The following CEMIP variants were observed in gnomAD, a reference collection of about 807,000 sequenced individuals.
CEMIP encodes the protein cell migration inducing hyaluronidase 1.
A neutral mutation model predicts 156.9 loss-of-function variants in CEMIP; 105 were observed. The observed-to-expected ratio is 0.67, with a 90% CI of 0.57 to 0.79. The LOEUF (loss-of-function observed/expected upper bound fraction) is 0.79, where lower values mean the gene tolerates loss of function less well. Ranked by LOEUF, CEMIP falls within the 30% of genes least tolerant of loss-of-function variation. The pLI, the probability that CEMIP is intolerant of heterozygous loss-of-function variation, is 0.00. For synonymous variants in CEMIP, 676 were observed against 668.4 expected (o/e 1.01, Z -0.17); for missense variants, 1,457 against 1,769.4 (o/e 0.82, Z 3.17).
intron 1 of CEMIP, among the ~76,000 whole-genome samples, chr15:80,788,144 T>C (rs1163248648): frequency 6.6e-6 from 1 of 152,034 alleles, no homozygotes; most frequent in African/African-American, 2.4e-5. Flanking sequence ...AAGGAGTGCA[T>C]AGAGGAGCTA....
chr15:80,865,955 T>A (rs1596143267), intron 1 of CEMIP, among the ~76,000 whole-genome samples: 1 of 152,210 alleles, frequency 6.6e-6, no homozygotes, highest in East Asian at 1.9e-4. Context: ...TACTTTCCTT[T>A]TCCCCCAGCA....
chr15:80,790,571 G>A (rs62006873), intron 1 of CEMIP, among the ~76,000 whole-genome samples: 8,690 of 152,236 alleles, frequency 0.057, 296 homozygotes, highest in East Asian at 0.074. Flanking sequence ...CACTTATGCA[G>A]CTCCAGGTGG....
chr15:80,805,330 C>T (rs1476220959), intron 1 of CEMIP, among the ~76,000 whole-genome samples: 1 of 152,174 alleles, frequency 6.6e-6, no homozygotes, highest in East Asian at 1.9e-4. Context: ...CCCTTCCTGC[C>T]CGCCCGGGAC....
At chr15:80,868,824 G>T (rs557986432) in intron 1 of CEMIP, among the ~76,000 whole-genome samples, 1 of 152,256 alleles carries the variant, frequency 6.6e-6, no homozygotes, top group African/African-American at 2.4e-5. Context: ...GCAGTGCCTC[G>T]CACCTAACAG....
chr15:80,920,047 T>C (rs1278880322), intron 14 of CEMIP, 47 bp from the exon 15 acceptor site: 1 of 1,574,122 alleles, frequency 6.4e-7, no homozygotes, highest in African/African-American at 1.3e-5. Flanking sequence ...AATGAGCACA[T>C]GAATAACTGG....
intron 11 of CEMIP, 94 bp downstream of exon 11, chr15:80,895,216 C>G: frequency 6.5e-7 from 1 of 1,546,662 alleles, no homozygotes; most frequent in East Asian, 2.3e-5. Context: ...CTCAGTGAGA[C>G]AGTGCTCCCA....
At position 80,933,325 on chromosome 15, in the gene CEMIP, C is replaced by T; in HGVS notation, c.2874C>T (p.Phe958=). The change falls in exon 23 of 30, where the codon TTC becomes TTT. Residue 958 remains phenylalanine, a synonymous_variant. Transcript: ENST00000394685. ...LDMDGDKTSV[F]HDVDGSVSEY... ...TGGATGGGGATAAGACATCTGTGTT[C>T]CATGACGTCGACGGCTCCGTGTCCG... The T allele has an allele frequency of 6.2e-7, 1 of 1,614,182 alleles. No individual in the cohort carries two copies. Among genetic ancestry groups the T allele is most frequent in the Non-Finnish European group, 8.5e-7 (1 of 1,180,028 alleles).
intron 10 of CEMIP, among the ~76,000 whole-genome samples, chr15:80,893,501 C>T (rs1236730126): frequency 6.6e-6 from 1 of 152,220 alleles, no homozygotes; most frequent in Non-Finnish European, 1.5e-5. Flanking sequence ...TTTTCAGGCT[C>T]AGTTCTCAAT....
Position 80,906,788 on chromosome 15 carries a change from A to C in CEMIP, c.1537A>C (p.Asn513His), listed in dbSNP as rs770984352. The C allele has an allele frequency of 2.1e-5, 34 of 1,614,058 alleles. No individual in the cohort carries two copies. Among genetic ancestry groups the C allele is most frequent in the Middle Eastern group, 1.6e-4 (1 of 6,084 alleles). The change falls in exon 13 of 30, where the codon AAC (asparagine) becomes CAC (histidine). Residue 513 changes from asparagine to histidine, a missense_variant. Asn to His is a moderately conservative substitution (Grantham distance 68, BLOSUM62 1). This residue lies in a region of CEMIP where 280 missense variants were observed against 300.3 expected (regional missense o/e 0.93). Transcript: ENST00000394685. This position sits in a 1 kb window ranked among gnomAD's most constrained non-coding sequence, Gnocchi z 4.3. ...GGAGGACAAATGCTACCCCTACAGAAACCACATCTGCAATTTCTTTGACTT... is the reference window on the plus strand; with the variant it reads ...GGAGGACAAATGCTACCCCTACAGACACCACATCTGCAATTTCTTTGACTT... Reference protein sequence around the residue: ...EMEDKCYPYRNHICNFFDFDT... With the variant: ...EMEDKCYPYRHHICNFFDFDT...
chr15:80,946,650 T>G, intron 28 of CEMIP: 2 of 372,128 alleles, frequency 5.4e-6, no homozygotes, highest in Non-Finnish European at 5.2e-6. Context: ...AGCCCTGGCA[T>G]GGTACGCTCT....
Position 80,922,023 on chromosome 15 carries a change from G to T in CEMIP, c.2088G>T (p.Trp696Cys). 6.2e-7 allele frequency: 1 copy of T among 1,614,264 alleles called. No homozygotes were observed. Among genetic ancestry groups the T allele is most frequent in the Non-Finnish European group, 8.5e-7 (1 of 1,180,050 alleles). The change falls in exon 17 of 30, where the codon TGG becomes TGT. Residue 696 changes from tryptophan to cysteine, a missense_variant. Coordinates refer to ENST00000394685, the MANE Select transcript of CEMIP (RefSeq NM_001293298.2). ...TTCCCCAACAGGAAACTGGATTTTG[G>T]TTTATTTTTCACCACGTACCAACGG... ...AAAGSEETGF[W>C]FIFHHVPTGP...
At chr15:80,857,659 TTCTAACAGGC>T (rs1393848821) in intron 1 of CEMIP, among the ~76,000 whole-genome samples, 1 of 152,192 alleles carries the variant, frequency 6.6e-6, no homozygotes, top group Non-Finnish European at 1.5e-5. Flanking sequence ...GACCTCTGGT[TTCTAACAGGC>T]TCTTGGGTGA....
rs139822105 is a variant in CEMIP at position 80,831,196 on chromosome 15, G to A, written c.-175-42342G>A. Among the ~76,000 whole-genome samples the A allele has an allele frequency of 8.2e-4, 125 of 152,282 alleles. 1 individual carries two copies. Among genetic ancestry groups the A allele is most frequent in the African/African-American group, 2.7e-3 (114 of 41,554 alleles). On this transcript the variant is annotated intron_variant, in intron 1 of 29. Transcript: ENST00000394685. ...TGAGAAAGAACTGGCTTTTGGTCTA[G>A]GTAGGAGGTAGAGAGCACTTTCCGT...
At chr15:80,780,761 C>T (rs892112281) in intron 1 of CEMIP, among the ~76,000 whole-genome samples, 3 of 152,214 alleles carry the variant, frequency 2.0e-5, no homozygotes, top group East Asian at 1.9e-4. Flanking sequence ...GGCGGCTCTG[C>T]GTGCCCAGGC....
At chr15:80,893,537 A>G (rs1899107953) in intron 10 of CEMIP, among the ~76,000 whole-genome samples, 1 of 152,198 alleles carries the variant, frequency 6.6e-6, no homozygotes, top group African/African-American at 2.4e-5. Context: ...ATTGAAGAAC[A>G]TGCTACCCTC....
intron 1 of CEMIP, among the ~76,000 whole-genome samples, chr15:80,818,709 A>AC (rs1392994176): frequency 6.6e-6 from 1 of 151,796 alleles, no homozygotes; most frequent in Non-Finnish European, 1.5e-5. Context: ...CCTCGTGCCA[A>AC]CTCCCACTGA....
At chr15:80,900,642 G>GTGTGTGTGTGTGTGTC (rs1596172870) in intron 12 of CEMIP, among the ~76,000 whole-genome samples, 2 of 127,212 alleles carry the variant, frequency 1.6e-5, no homozygotes, top group East Asian at 2.0e-4. Context: ...GTGTGTGTGT[G>GTGTGTGTGTGTGTGTC]TGTGTGTCTG....
chr15:80,936,607 G>A, intron 23 of CEMIP, 67 bp from the exon 24 acceptor site: 1 of 1,391,080 alleles, frequency 7.2e-7, no homozygotes, highest in Non-Finnish European at 1.0e-6. Flanking sequence ...TCAGATGTTA[G>A]CCAGACGCTC....
intron 12 of CEMIP, among the ~76,000 whole-genome samples, chr15:80,903,455 AC>A (rs1263264536): frequency 6.6e-5 from 10 of 152,220 alleles, no homozygotes; most frequent in Non-Finnish European, 1.3e-4. Flanking sequence ...AGGGAGATAC[AC>A]GCATGGAAGC....
Sources: allele counts gnomAD v4.1 joint callset (sites outside exome capture counted in the v4.1 genomes callset), GRCh38; gene constraint gnomAD v4.1.1; regional missense constraint gnomAD v4.1.1; non-coding constraint Gnocchi (gnomAD v3.1); transcripts MANE v1.5; gene names NCBI Gene and HGNC (gene_info 2026-07-23, HGNC 2026-07-21).